PEX5L: variants seen among roughly 807,000 people sequenced by gnomAD.
The protein encoded by PEX5L is peroxisomal biogenesis factor 5 like, also known as PEX5-related protein.
PEX5L carries 30 observed loss-of-function variants against 84.0 expected under a neutral mutation model. The ratio of observed to expected loss-of-function variants is 0.36; its 90% CI spans 0.27 to 0.48. The LOEUF is 0.48. Among genes scored for constraint, PEX5L ranks in the 20% least tolerant of loss-of-function variants. The pLI is 0.99. For synonymous variants in PEX5L, 270 were observed against 283.1 expected (o/e 0.95, Z 0.46); for missense variants, 533 against 754.6 (o/e 0.71, Z 3.44).
chr3:179,832,453 CACCT>C (rs1476734200), intron 8 of PEX5L, among the ~76,000 whole-genome samples: 1 of 150,810 alleles, frequency 6.6e-6, no homozygotes, highest in Non-Finnish European at 1.5e-5. Flanking sequence ...CTTACTTACC[CACCT>C]ACCTACCTAC....
intron 1 of PEX5L, among the ~76,000 whole-genome samples, chr3:180,013,252 C>T (rs998479086): frequency 3.9e-5 from 6 of 152,154 alleles, no homozygotes; most frequent in African/African-American, 1.4e-4. Flanking sequence ...GCATTAAATG[C>T]AACACATATA....
intron 8 of PEX5L, among the ~76,000 whole-genome samples, chr3:179,834,550 G>A (rs1480669388): frequency 6.6e-6 from 1 of 152,200 alleles, no homozygotes; most frequent in African/African-American, 2.4e-5. Flanking sequence ...GGAGACTGTG[G>A]CTAGTGAGCA....
intron 7 of PEX5L, among the ~76,000 whole-genome samples, chr3:179,863,859 A>G (rs1747156130): frequency 6.6e-6 from 1 of 152,138 alleles, no homozygotes; most frequent in African/African-American, 2.4e-5. Context: ...CTGTGTCCCC[A>G]CCCAAATCTC....
intron 2 of PEX5L, among the ~76,000 whole-genome samples, chr3:179,917,055 G>A (rs865992634): frequency 8.1e-6 from 1 of 123,682 alleles, no homozygotes; most frequent in South Asian, 3.0e-4. Flanking sequence ...TATATTTTCT[G>A]TGTATCCTTA....
At position 179,864,083 on chromosome 3, in the gene PEX5L, T is replaced by A. The variant is rs138090570; in HGVS notation, c.727-4926A>T. ...CTCCTTGCCTTTCACCATGATTGTG[T>A]GGCCTCCCCAGCCACGTGGAACTCT... On this transcript the variant is annotated intron_variant, in intron 7 of 14. Coordinates refer to ENST00000467460, the MANE Select transcript of PEX5L (RefSeq NM_016559.3). Among the ~76,000 whole-genome samples, 1,453 of 152,248 alleles carry A rather than the reference T, an allele frequency of 9.5e-3. 25 individuals are homozygous for A. The highest frequency in any genetic ancestry group is 0.033 in the African/African-American group (1,369 of 41,568).
At chr3:179,917,341 T>G (rs1042869199) in intron 2 of PEX5L, among the ~76,000 whole-genome samples, 1 of 151,754 alleles carries the variant, frequency 6.6e-6, no homozygotes, top group Non-Finnish European at 1.5e-5. Flanking sequence ...AACTTTTTTT[T>G]TTTTTTAAAA....
At chr3:179,818,344 A>G (rs568585247) in intron 9 of PEX5L, among the ~76,000 whole-genome samples, 2 of 152,180 alleles carry the variant, frequency 1.3e-5, no homozygotes, top group South Asian at 4.2e-4. Context: ...ATATTTTGAT[A>G]CAGGCATACA....
chr3:179,962,255 T>G (rs1782264446), intron 2 of PEX5L, among the ~76,000 whole-genome samples: 1 of 152,164 alleles, frequency 6.6e-6, no homozygotes, highest in Non-Finnish European at 1.5e-5. Flanking sequence ...ATGGGACATT[T>G]GGAAGAAAGG....
intron 2 of PEX5L, among the ~76,000 whole-genome samples, chr3:179,928,898 A>G (rs1772217273): frequency 6.6e-6 from 1 of 152,188 alleles, no homozygotes; most frequent in Non-Finnish European, 1.5e-5. Flanking sequence ...CCTCCATGCC[A>G]TTACCTTTCC....
chr3:179,976,802 G>T (rs12631023), intron 1 of PEX5L, among the ~76,000 whole-genome samples: 24,779 of 152,046 alleles, frequency 0.16, 2,276 homozygotes, highest in Admixed American at 0.24. Context: ...AAGATAGAAA[G>T]TATAGGGAAA....
chr3:179,918,357 TG>T (rs1768006164), intron 2 of PEX5L, among the ~76,000 whole-genome samples: 1 of 152,206 alleles, frequency 6.6e-6, no homozygotes, highest in African/African-American at 2.4e-5. Flanking sequence ...GTCACACATT[TG>T]GTGGGTATAG....
intron 1 of PEX5L, among the ~76,000 whole-genome samples, chr3:180,007,959 T>A (rs1360733582): frequency 6.6e-6 from 1 of 152,214 alleles, no homozygotes; most frequent in African/African-American, 2.4e-5. Flanking sequence ...TTTTTCCTCA[T>A]GGTCTTGGGG....
chr3:179,823,567 C>T (rs932808033), intron 8 of PEX5L, among the ~76,000 whole-genome samples: 7 of 152,038 alleles, frequency 4.6e-5, no homozygotes, highest in African/African-American at 7.2e-5. Context: ...TGCTAGCATA[C>T]GTTATTTTGG....
At chr3:179,997,005 CAG>C (rs1272270531) in intron 1 of PEX5L, among the ~76,000 whole-genome samples, 1 of 152,144 alleles carries the variant, frequency 6.6e-6, no homozygotes, top group African/African-American at 2.4e-5. Context: ...ATTATAAAAA[CAG>C]AGAATCATAG....
chr3:179,973,573 G>C (rs1003308582), intron 1 of PEX5L: 1 of 978,504 alleles, frequency 1.0e-6, no homozygotes, highest in Non-Finnish European at 1.2e-6. Context: ...GGACTCTTCA[G>C]CCTCCTCATC....
At chr3:179,909,124 G>A (rs1179134878) in intron 2 of PEX5L, among the ~76,000 whole-genome samples, 1 of 152,030 alleles carries the variant, frequency 6.6e-6, no homozygotes, top group Non-Finnish European at 1.5e-5. Context: ...CATGGAATAA[G>A]TGGCAATGGT....
At chr3:179,874,553 T>C in intron 6 of PEX5L, 130 bp from the exon 7 acceptor site, 1 of 552,742 alleles carries the variant, frequency 1.8e-6, no homozygotes, top group South Asian at 2.3e-5. Context: ...ATTCTGATGA[T>C]AGAGATAAGT....
intron 7 of PEX5L, among the ~76,000 whole-genome samples, chr3:179,870,027 G>A (rs1309142947): frequency 6.6e-6 from 1 of 152,174 alleles, no homozygotes; most frequent in African/African-American, 2.4e-5. Context: ...GATCGAAGGG[G>A]ACTCAGATGA....
intron 3 of PEX5L, among the ~76,000 whole-genome samples, chr3:179,894,671 A>G (rs1249063174): frequency 1.3e-5 from 2 of 152,142 alleles, no homozygotes; most frequent in Non-Finnish European, 2.9e-5. Flanking sequence ...TATTCTTCCA[A>G]TCGAGGACAT....
Sources: gnomAD v4.1 joint callset for allele counts (sites outside exome capture counted in the v4.1 genomes callset) on GRCh38, gnomAD v4.1.1 for gene constraint, MANE v1.5 for transcripts, NCBI Gene and HGNC (gene_info 2026-07-23, HGNC 2026-07-21) for gene names.